C16orf96: variants seen among roughly 807,000 people sequenced by gnomAD.
C16orf96 encodes uncharacterized protein C16orf96.
A neutral mutation model predicts 103.6 loss-of-function variants in C16orf96; 108 were observed. The observed-to-expected ratio is 1.04, with a 90% confidence interval of 0.89 to 1.22. C16orf96 has a LOEUF of 1.22. C16orf96 is among the 50% of genes most tolerant of loss of function. The probability of loss-of-function intolerance (pLI) is 0.00; values close to 1 mark genes in which losing one functional copy is unlikely to be tolerated. For synonymous variants in C16orf96, 566 were observed against 593.5 expected, an observed-to-expected ratio of 0.95 and a Z score of 0.67; for missense variants, 1,586 against 1,464.2, an observed-to-expected ratio of 1.08 and a Z score of -1.36.
At chr16:4,583,081 C>CA (rs1263900743) in intron 7 of C16orf96, among the ~76,000 whole-genome samples, 3 of 151,810 alleles carry the variant, frequency 2.0e-5, no homozygotes, top group Admixed American at 6.6e-5. Context: ...ACTAAAAACA[C>CA]AAAAAAATCA....
chr16:4,590,529 A>C lies in C16orf96; in HGVS notation c.2593-1137A>C, dbSNP rs565958828. Among the ~76,000 whole-genome samples, 451 of 152,010 alleles carry C rather than the reference A, an allele frequency of 3.0e-3. 1 individual carries two copies. Among genetic ancestry groups the C allele is most frequent in the African/African-American group, 9.2e-3 (383 of 41,460 alleles). ...AGCCAAGATCGCACCATTGCACTCC[A>C]GCCTGGGCAACAGAAGTGAAACTCT... On this transcript the variant is annotated intron_variant, in intron 9 of 15. Coordinates refer to ENST00000444310, the MANE Select transcript of C16orf96 (RefSeq NM_001145011.2).
At chr16:4,596,261 C>T (rs542664756) in intron 14 of C16orf96, among the ~76,000 whole-genome samples, 5 of 151,972 alleles carry the variant, frequency 3.3e-5, no homozygotes, top group African/African-American at 1.2e-4. Flanking sequence ...CCGAGGCGGG[C>T]GGATCACAAG....
Position 4,575,545 on chromosome 16 carries a change from G to A in C16orf96, c.1065G>A (p.Gly355=), listed in dbSNP as rs764040396. ...TGCCTGCCCTGGGGCCTGTCCCAGG[G>A]CCCAGTGTGACACCTGGGTCCTTGC... ...EPVPALGPVP[G]PSVTPGSLPA... The change falls in exon 5 of 16, where the codon GGG becomes GGA. Residue 355 remains glycine (G), a synonymous_variant. Transcript: ENST00000444310. The A allele has an allele frequency of 6.5e-7, 1 of 1,538,378 alleles. No homozygotes were observed. The highest frequency in any genetic ancestry group is 1.2e-5 in the South Asian group (1 of 83,092).
Position 4,594,391 on chromosome 16 carries a change from G to A in C16orf96, c.2908G>A (p.Glu970Lys), listed in dbSNP as rs1897124848. 1 of 1,432,930 alleles carries A rather than the reference G, an allele frequency of 7.0e-7. No homozygotes were observed. The highest frequency in any genetic ancestry group is 9.4e-7 in the Non-Finnish European group (1 of 1,069,338). 88.8% of individuals were successfully genotyped at this position (1,432,930 alleles called of 1,614,324 possible). A position where few individuals can be genotyped will look rare whatever the true frequency, so the allele number is the denominator to read the frequency against. Residue 970 changes from glutamate (E) to lysine (K), a missense_variant, in exon 13 of 16, where the codon GAG becomes AAG. Glu to Lys is a moderately conservative substitution (Grantham distance 56). Coordinates refer to ENST00000444310, the MANE Select transcript of C16orf96 (RefSeq NM_001145011.2). ...WLQLQDLGIQEDCQQDWGDGP... is the reference protein window; with the variant it reads ...WLQLQDLGIQKDCQQDWGDGP... Reference sequence around the variant, plus strand: ...GCAGCTCCAGGACCTCGGTATCCAGGAGGATTGTCAGCAGGACTGGGGTGA... The same window carrying A: ...GCAGCTCCAGGACCTCGGTATCCAGAAGGATTGTCAGCAGGACTGGGGTGA...
chr16:4,570,587 C>G (rs904176435), intron 1 of C16orf96, among the ~76,000 whole-genome samples: 4 of 151,864 alleles, frequency 2.6e-5, no homozygotes, highest in Non-Finnish European at 4.4e-5. Context: ...GCCCCATCCT[C>G]CTGAGTAGCT....
chr16:4,551,741 C>G (rs1203171202), upstream of C16orf96, among the ~76,000 whole-genome samples: 1 of 152,122 alleles, frequency 6.6e-6, no homozygotes, highest in African/African-American at 2.4e-5. Flanking sequence ...CTTGAGCCAC[C>G]GCGCCTGGCC....
Position 4,575,015 on chromosome 16 carries a change from A to T in C16orf96, c.650A>T (p.Asp217Val). 4 of 1,551,464 alleles carry T rather than the reference A, an allele frequency of 2.6e-6. No homozygotes were observed. Among genetic ancestry groups the T allele is most frequent in the Non-Finnish European group, 3.5e-6 (4 of 1,147,000 alleles). Residue 217 changes from aspartate (D) to valine (V), a missense_variant, in exon 4 of 16, where the codon GAC becomes GTC. By Grantham distance (152) the Asp-to-Val change is radical (BLOSUM62 -3). Transcript: ENST00000444310. ...TTTAAAACCATCCCCAAAACCGAGG[A>T]CATGGTGCTCTGGAGTGGCCTTCAT... ...NKFKTIPKTE[D>V]MVLWSGLHDA...
chr16:4,573,155 C>T (rs893505229), intron 2 of C16orf96, among the ~76,000 whole-genome samples: 6 of 152,114 alleles, frequency 3.9e-5, no homozygotes, highest in African/African-American at 9.6e-5. Context: ...CATGCCTTCT[C>T]GGCGGGGCCT....
chr16:4,570,715 C>G (rs1336961861), intron 1 of C16orf96, among the ~76,000 whole-genome samples: 1 of 152,100 alleles, frequency 6.6e-6, no homozygotes, highest in Non-Finnish European at 1.5e-5. Flanking sequence ...TTCTGCCTGA[C>G]TTGGTCTCCC....
chr16:4,555,260 C>G (rs954658913), upstream of C16orf96, among the ~76,000 whole-genome samples: 2 of 120,636 alleles, frequency 1.7e-5, no homozygotes, highest in Admixed American at 9.5e-5. Context: ...AAGACTTTGT[C>G]ACACACACTA....
chr16:4,591,310 A>G (rs1356089541), intron 9 of C16orf96, among the ~76,000 whole-genome samples: 2 of 152,218 alleles, frequency 1.3e-5, no homozygotes, highest in African/African-American at 4.8e-5. Context: ...GTCAATAAAC[A>G]TGTGTTGAGT....
chr16:4,551,822 C>T (rs2059229846), upstream of C16orf96, among the ~76,000 whole-genome samples: 1 of 152,100 alleles, frequency 6.6e-6, no homozygotes, highest in Non-Finnish European at 1.5e-5. Flanking sequence ...GTCCATGTGC[C>T]ATGGTGGTTT....
chr16:4,578,573 C>A (rs960908935), intron 5 of C16orf96, among the ~76,000 whole-genome samples: 6 of 152,092 alleles, frequency 3.9e-5, no homozygotes, highest in Non-Finnish European at 8.8e-5. Context: ...ACCTGGCCAA[C>A]ATGGTGAAAC....
intron 7 of C16orf96, among the ~76,000 whole-genome samples, chr16:4,583,120 C>T (rs1896832503): frequency 6.6e-6 from 1 of 152,120 alleles, no homozygotes; most frequent in Non-Finnish European, 1.5e-5. Flanking sequence ...TGCCTGTAAT[C>T]CCAGCTACTC....
At chr16:4,542,544 C>T in the C16orf96 span, among the ~76,000 whole-genome samples, 1 of 152,158 alleles carries the variant, frequency 6.6e-6, no homozygotes, top group Non-Finnish European at 1.5e-5. Flanking sequence ...TGCCTGTAAT[C>T]CCAGCACTTT....
chr16:4,542,548 G>A, the C16orf96 span, among the ~76,000 whole-genome samples: 1 of 152,150 alleles, frequency 6.6e-6, no homozygotes, highest in Non-Finnish European at 1.5e-5. Context: ...TGTAATCCCA[G>A]CACTTTGGGA....
chr16:4,595,525 A>C (rs1386867867), intron 14 of C16orf96, among the ~76,000 whole-genome samples: 1 of 152,184 alleles, frequency 6.6e-6, no homozygotes, highest in East Asian at 1.9e-4. Context: ...TTCGAAGGAC[A>C]AAAAGAGGAG....
At chr16:4,591,868 G>A in intron 10 of C16orf96, 84 bp downstream of exon 10, 1 of 1,099,848 alleles carries the variant, frequency 9.1e-7, no homozygotes, top group South Asian at 1.3e-5. Context: ...TGGGAGGAAA[G>A]ATTCCAGACC....
At chr16:4,563,566 T>TTTTG (rs915719833) in intron 1 of C16orf96, among the ~76,000 whole-genome samples, 22 of 150,118 alleles carry the variant, frequency 1.5e-4, no homozygotes, top group Admixed American at 1.2e-3. Flanking sequence ...TTAACCTTTT[T>TTTTG]TTTGTTTGTT....
Sources: gnomAD v4.1 joint callset for allele counts (sites outside exome capture counted in the v4.1 genomes callset) on GRCh38, gnomAD v4.1.1 for gene constraint, MANE v1.5 for transcripts, NCBI Gene and HGNC (gene_info 2026-07-23, HGNC 2026-07-21) for gene names.